The following PIK3CA variants were observed in gnomAD, a reference collection of about 807,000 sequenced individuals.
PIK3CA encodes the protein phosphatidylinositol-4,5-bisphosphate 3-kinase catalytic subunit alpha.
PIK3CA carries 27 observed loss-of-function variants against 138.2 expected under a neutral mutation model. The ratio of observed to expected loss-of-function variants is 0.20; its 90% CI spans 0.14 to 0.27. The LOEUF (loss-of-function observed/expected upper bound fraction) is 0.27, where lower values mean the gene tolerates loss of function less well. Ranked by LOEUF, PIK3CA falls within the 10% of genes least tolerant of loss-of-function variation. The probability of loss-of-function intolerance (pLI) is 1.00; values close to 1 mark genes in which losing one functional copy is unlikely to be tolerated. For synonymous variants in PIK3CA, 358 were observed against 413.2 expected (o/e 0.87, Z 1.62); for missense variants, 544 against 1,277.4 (o/e 0.43, Z 8.75).
At chr3:179,224,329 G>T in intron 15 of PIK3CA, 142 bp downstream of exon 15, 1 of 540,208 alleles carries the variant, frequency 1.9e-6, no homozygotes. Context: ...CTCAAAATAA[G>T]AGTAGTATAT....
chr3:179,151,497 A>G lies in PIK3CA; in HGVS notation c.-77+2894A>G, dbSNP rs150480498. On this transcript the variant is annotated intron_variant, in intron 1 of 20. Coordinates refer to ENST00000263967, the MANE Select transcript of PIK3CA (RefSeq NM_006218.4). The stretch of plus-strand genomic sequence containing the variant: ...TCCTGGCTACACATTAGAATAATCT[A>G]GGGAGCTTTTTAAAAGTACTCTGGT... Among the ~76,000 whole-genome samples the G allele has an allele frequency of 6.7e-3, 1,024 of 152,332 alleles. 64 individuals are homozygous for G. In the South Asian group the frequency reaches 0.14, roughly 20 times the overall value.
At chr3:179,149,911 C>A (rs1222247235) in intron 1 of PIK3CA, among the ~76,000 whole-genome samples, 2 of 152,104 alleles carry the variant, frequency 1.3e-5, no homozygotes, top group Non-Finnish European at 2.9e-5. Context: ...CTCAAAATAC[C>A]GTGTTGCTAA....
chr3:179,169,367 G>A (rs1258166611), intron 1 of PIK3CA, among the ~76,000 whole-genome samples: 1 of 152,048 alleles, frequency 6.6e-6, no homozygotes, highest in Non-Finnish European at 1.5e-5. Context: ...TACATCATAT[G>A]TGTAGATTAT....
Position 179,236,101 on chromosome 3 carries a change from T to C in PIK3CA, c.*1737T>C. On this transcript the variant is annotated 3_prime_UTR_variant, in exon 21 of 21. Transcript: ENST00000263967. ...CAGCATCACTTTAAAAATATTCATT[T>C]ATGAAATCTGTTACCTATAGTTGAA... 1 of 205,516 alleles carries C rather than the reference T, an allele frequency of 4.9e-6. No individual in the cohort carries two copies. The highest frequency in any genetic ancestry group is 1.0e-5 in the Non-Finnish European group (1 of 100,458). The allele number at this position is 205,516 out of a possible 1,614,324, so 12.7% of individuals were successfully genotyped here.
chr3:179,180,757 G>C (rs1723820715), intron 1 of PIK3CA, among the ~76,000 whole-genome samples: 2 of 152,084 alleles, frequency 1.3e-5, no homozygotes, highest in Admixed American at 1.3e-4. Flanking sequence ...AAAAACAACA[G>C]AGATCATTTC....
At chr3:179,211,727 CA>C (rs1560142670) in intron 9 of PIK3CA, among the ~76,000 whole-genome samples, 1 of 152,174 alleles carries the variant, frequency 6.6e-6, no homozygotes, top group Non-Finnish European at 1.5e-5. Context: ...AGTACTTCAT[CA>C]CTTCAGTAAA....
intron 1 of PIK3CA, among the ~76,000 whole-genome samples, chr3:179,193,790 G>A (rs981692795): frequency 6.6e-6 from 1 of 152,212 alleles, no homozygotes; most frequent in African/African-American, 2.4e-5. Flanking sequence ...TTGTCAGTAT[G>A]CATATGAATC....
intron 6 of PIK3CA, among the ~76,000 whole-genome samples, chr3:179,206,780 G>A (rs904688338): frequency 6.6e-6 from 1 of 151,994 alleles, no homozygotes; most frequent in Non-Finnish European, 1.5e-5. Context: ...GCCTGGGATG[G>A]TGGTGTGTGT....
At chr3:179,178,892 A>G (rs76956292) in intron 1 of PIK3CA, among the ~76,000 whole-genome samples, 14 of 152,218 alleles carry the variant, frequency 9.2e-5, no homozygotes, top group Admixed American at 9.2e-4. Context: ...GAAGTTCGCT[A>G]CAGATTCAGT....
At position 179,209,665 on chromosome 3, in the gene PIK3CA, A is replaced by G. The variant is rs1724657672; in HGVS notation, c.1216A>G (p.Ile406Val). 3 of 1,611,804 alleles carry G rather than the reference A, an allele frequency of 1.9e-6. No individual in the cohort carries two copies. Among genetic ancestry groups the G allele is most frequent in the African/African-American group, 1.3e-5 (1 of 74,812 alleles). ...TCGTGCTGCTCGACTTTGCCTTTCC[A>G]TTTGCTCTGTTAAAGGCCGAAAGGG... ...LPRAARLCLS[I>V]CSVKGRKGAK... Residue 406 changes from isoleucine to valine, a missense_variant, in exon 7 of 21, where the codon ATT (isoleucine) becomes GTT (valine). By Grantham distance (29) the Ile-to-Val change is conservative. Coordinates refer to ENST00000263967, the MANE Select transcript of PIK3CA (RefSeq NM_006218.4).
chr3:179,212,092 C>G (rs1724726484), intron 9 of PIK3CA, among the ~76,000 whole-genome samples: 2 of 151,884 alleles, frequency 1.3e-5, no homozygotes. Flanking sequence ...ACTGCAACCT[C>G]TGCCTCCCGG....
rs202162121 is a variant in PIK3CA at position 179,204,547 on chromosome 3, T to C, written c.1104T>C (p.Cys368=). 56 of 1,593,110 alleles carry C rather than the reference T, an allele frequency of 3.5e-5. No homozygotes were observed. In the African/African-American group the frequency reaches 6.7e-4, roughly 19 times the overall value. The change falls in exon 6 of 21, where the codon TGT becomes TGC. Residue 368 remains cysteine, a synonymous_variant. Coordinates refer to ENST00000263967, the MANE Select transcript of PIK3CA (RefSeq NM_006218.4). ...TGIYHGGEPL[C]DNVNTQRVPC... ...TCTACCATGGAGGAGAACCCTTATG[T>C]GACAATGTGAACACTCAAAGAGTAC... is the stretch of plus-strand genomic sequence containing the variant.
chr3:179,206,034 A>G (rs1724550363), intron 6 of PIK3CA, among the ~76,000 whole-genome samples: 1 of 152,052 alleles, frequency 6.6e-6, no homozygotes, highest in Non-Finnish European at 1.5e-5. Flanking sequence ...TAGGTCAGAA[A>G]ACGTATCATT....
intron 6 of PIK3CA, 145 bp downstream of exon 6, chr3:179,204,733 A>G: frequency 2.0e-6 from 1 of 488,328 alleles, no homozygotes; most frequent in Non-Finnish European, 3.8e-6. Flanking sequence ...AAAATTAGCT[A>G]GGCACTGGCC....
At chr3:179,191,450 A>G (rs577841221) in intron 1 of PIK3CA, among the ~76,000 whole-genome samples, 24 of 152,350 alleles carry the variant, frequency 1.6e-4, no homozygotes, top group African/African-American at 5.8e-4. Context: ...CTTGTGGAAC[A>G]TAAATAACTA....
chr3:179,151,108 T>C lies in PIK3CA; in HGVS notation c.-77+2505T>C, dbSNP rs905483322. Among the ~76,000 whole-genome samples the C allele has an allele frequency of 3.9e-5, 6 of 152,384 alleles. No homozygotes were observed. In the South Asian group the frequency reaches 1.0e-3, roughly 26 times the overall value. ...AAAGTATTTACAATCTTAAAAATTA[T>C]TCAGCTTTAGAAGTATATGTCTTAG... On this transcript the variant is annotated intron_variant, in intron 1 of 20. Transcript: ENST00000263967.
chr3:179,216,278 C>G (rs140787254), intron 9 of PIK3CA, among the ~76,000 whole-genome samples: 12,095 of 152,120 alleles, frequency 0.08, 493 homozygotes, highest in African/African-American at 0.1. Context: ...AATTTGTATT[C>G]ACATTCAGTT....
In PIK3CA at chr3:179,220,113, A is replaced by T. The variant is rs1724932172; in HGVS notation, c.2015+61A>T. 1.7e-6 allele frequency: 2 copies of T among 1,152,470 alleles called. No homozygotes were observed. The highest frequency in any genetic ancestry group is 2.5e-5 in the East Asian group (1 of 39,296). The allele number at this position is 1,152,470 out of a possible 1,614,324, so 71.4% of individuals were successfully genotyped here. ...TACATATTACTTGCTTTCTTAATAG[A>T]TTTATAAATATGTATTACTTATATA... is the stretch of plus-strand genomic sequence containing the variant. On this transcript the variant is annotated intron_variant, in intron 13 of 20. Coordinates refer to ENST00000263967, the MANE Select transcript of PIK3CA (RefSeq NM_006218.4). The surrounding 1 kb of genome is among the most constrained non-coding windows in gnomAD (Gnocchi z 4.1).
intron 1 of PIK3CA, among the ~76,000 whole-genome samples, chr3:179,182,462 G>A (rs553995157): frequency 1.6e-4 from 24 of 152,162 alleles, no homozygotes; most frequent in African/African-American, 5.8e-4. Flanking sequence ...GAGCCCAGGA[G>A]TTCAAGATCA....
Sources: gnomAD v4.1 joint callset for allele counts (sites outside exome capture counted in the v4.1 genomes callset) on GRCh38, gnomAD v4.1.1 for gene constraint, Gnocchi (gnomAD v3.1) non-coding constraint, MANE v1.5 for transcripts, NCBI Gene and HGNC (gene_info 2026-07-23, HGNC 2026-07-21) for gene names.